LAMC1: variants seen among roughly 807,000 people sequenced by gnomAD.
LAMC1 encodes laminin subunit gamma 1.
LAMC1 carries 38 observed loss-of-function variants against 173.6 expected under a neutral mutation model. That is an observed-to-expected ratio of 0.22 (90% CI 0.17 to 0.29). The LOEUF (loss-of-function observed/expected upper bound fraction) is 0.29, where lower values mean the gene tolerates loss of function less well. Among genes scored for constraint, LAMC1 ranks in the 10% least tolerant of loss-of-function variants. The pLI, the probability that LAMC1 is intolerant of heterozygous loss-of-function variation, is 1.00. For missense variants in LAMC1, 1,824 were observed against 2,051.8 expected (o/e 0.89, Z 2.14); for synonymous variants, 746 against 749.1 (o/e 1.00, Z 0.07).
At chr1:183,066,903 T>C (rs1267899145) in intron 1 of LAMC1, among the ~76,000 whole-genome samples, 1 of 152,114 alleles carries the variant, frequency 6.6e-6, no homozygotes, top group Non-Finnish European at 1.5e-5. Flanking sequence ...CATGCACATG[T>C]TGTGTACCTA....
chr1:183,128,617 C>G lies in LAMC1; in HGVS notation c.3147C>G (p.Leu1049=), dbSNP rs149036866. The change falls in exon 18 of 28, where the codon CTC becomes CTG. Residue 1049 remains leucine (L), a synonymous_variant. Coordinates refer to ENST00000258341, the MANE Select transcript of LAMC1 (RefSeq NM_002293.4). ...AGGTTGCTGATCATAGAGTGAAGCT[C>G]CAGGAATTAGAGAGTCTCATAGCAA... ...KDKVADHRVK[L]QELESLIANL... 2 of 1,610,296 alleles carry G rather than the reference C, an allele frequency of 1.2e-6. No homozygotes were observed. Among genetic ancestry groups the G allele is most frequent in the East Asian group, 2.2e-5 (1 of 44,868 alleles).
chr1:183,094,847 T>C (rs1437667577), intron 1 of LAMC1, among the ~76,000 whole-genome samples: 1 of 152,012 alleles, frequency 6.6e-6, no homozygotes, highest in Non-Finnish European at 1.5e-5. Flanking sequence ...TGGAGGGGTT[T>C]TTTTGTTTTT....
chr1:183,107,768 TG>T (rs1265355582), intron 2 of LAMC1, among the ~76,000 whole-genome samples: 1 of 151,836 alleles, frequency 6.6e-6, no homozygotes, highest in African/African-American at 2.4e-5. Context: ...AGGTGGAGCT[TG>T]CAGTGAGCTG....
intron 1 of LAMC1, among the ~76,000 whole-genome samples, chr1:183,030,286 G>T (rs1291935633): frequency 6.6e-6 from 1 of 152,168 alleles, no homozygotes; most frequent in Admixed American, 6.5e-5. Context: ...CAGGTTTGTT[G>T]ACCTCTGTTC....
chr1:183,034,784 C>A (rs902759369), intron 1 of LAMC1, among the ~76,000 whole-genome samples: 1 of 152,154 alleles, frequency 6.6e-6, no homozygotes, highest in Admixed American at 6.5e-5. Flanking sequence ...GCAATGAGGA[C>A]GTGCCAGATG....
intron 2 of LAMC1, among the ~76,000 whole-genome samples, chr1:183,107,994 TA>T (rs1419090003): frequency 6.6e-6 from 1 of 152,178 alleles, no homozygotes; most frequent in African/African-American, 2.4e-5. Flanking sequence ...TGCTGCACAT[TA>T]TATTTTATTT....
intron 2 of LAMC1, among the ~76,000 whole-genome samples, chr1:183,104,469 T>G (rs1286135235): frequency 6.6e-6 from 1 of 152,228 alleles, no homozygotes; most frequent in Non-Finnish European, 1.5e-5. Flanking sequence ...TGCTGCTGCA[T>G]GTGGCTGAAG....
chr1:183,134,629 A>C, intron 22 of LAMC1, 31 bp from the exon 23 acceptor site: 1 of 1,580,464 alleles, frequency 6.3e-7, no homozygotes, highest in Non-Finnish European at 8.6e-7. Context: ...TGTTTTATCC[A>C]AAGTGTAGTG....
chr1:183,086,077 A>C (rs1432681614), intron 1 of LAMC1, among the ~76,000 whole-genome samples: 1 of 152,192 alleles, frequency 6.6e-6, no homozygotes, highest in Non-Finnish European at 1.5e-5. Flanking sequence ...TAAATAAATA[A>C]ATATATGTAT....
chr1:183,123,828 T>A (rs1374863373), intron 13 of LAMC1, among the ~76,000 whole-genome samples: 1 of 152,220 alleles, frequency 6.6e-6, no homozygotes, highest in Non-Finnish European at 1.5e-5. Flanking sequence ...TGGTATATAG[T>A]AGATGCTCAG....
Position 183,023,671 on chromosome 1 carries a change from C to T in LAMC1, c.-46C>T, listed in dbSNP as rs772953530. 6.9e-6 allele frequency: 8 copies of T among 1,152,342 alleles called. No individual in the cohort carries two copies. The highest frequency in any genetic ancestry group is 8.6e-6 in the Non-Finnish European group (8 of 935,360). 71.4% of individuals were successfully genotyped at this position (1,152,342 alleles called of 1,614,324 possible). On this transcript the variant is annotated 5_prime_UTR_variant, in exon 1 of 28. Coordinates refer to ENST00000258341, the MANE Select transcript of LAMC1 (RefSeq NM_002293.4). ...GGGACGCCGCTAGGCGAGAGGAACGCGCCGGTGCCCTTGCCTTCGCCGTGA... is the reference window on the plus strand; with the variant it reads ...GGGACGCCGCTAGGCGAGAGGAACGTGCCGGTGCCCTTGCCTTCGCCGTGA...
intron 1 of LAMC1, among the ~76,000 whole-genome samples, chr1:183,091,510 C>T (rs763167213): frequency 3.3e-5 from 5 of 152,018 alleles, no homozygotes; most frequent in Non-Finnish European, 4.4e-5. Context: ...TTCCTCCTTC[C>T]CCTCCCTCTC....
chr1:183,121,683 C>T, intron 11 of LAMC1, 40 bp from the exon 12 acceptor site: 1 of 1,544,462 alleles, frequency 6.5e-7, no homozygotes, highest in Non-Finnish European at 8.8e-7. Context: ...GTTTGGAAAA[C>T]AAGCCAGTTC....
chr1:183,027,679 A>G (rs1466337948), intron 1 of LAMC1, among the ~76,000 whole-genome samples: 1 of 152,266 alleles, frequency 6.6e-6, no homozygotes, highest in Non-Finnish European at 1.5e-5. Context: ...AATAGTGATT[A>G]AATGAAGCTT....
chr1:183,123,400 C>T (rs1036293205), intron 13 of LAMC1, among the ~76,000 whole-genome samples: 3 of 152,204 alleles, frequency 2.0e-5, no homozygotes, highest in African/African-American at 4.8e-5. Context: ...TCAAAATGTA[C>T]CTCAGATTAC....
At chr1:183,080,476 T>C (rs1214258376) in intron 1 of LAMC1, among the ~76,000 whole-genome samples, 4 of 152,148 alleles carry the variant, frequency 2.6e-5, no homozygotes, top group Non-Finnish European at 4.4e-5. Flanking sequence ...TGGGTATAAC[T>C]GGAGTCTTCA....
chr1:183,088,701 G>A (rs997398921), intron 1 of LAMC1, among the ~76,000 whole-genome samples: 1 of 152,214 alleles, frequency 6.6e-6, no homozygotes, highest in African/African-American at 2.4e-5. Flanking sequence ...AGTGCTATGT[G>A]TTCGGAAAAG....
At chr1:183,121,687 C>A (rs759761712) in intron 11 of LAMC1, 36 bp from the exon 12 acceptor site, 7 of 1,557,444 alleles carry the variant, frequency 4.5e-6, no homozygotes, top group African/African-American at 1.4e-5. Flanking sequence ...GGAAAACAAG[C>A]CAGTTCAGTG....
chr1:183,054,548 T>C (rs1654533217), intron 1 of LAMC1, among the ~76,000 whole-genome samples: 1 of 152,226 alleles, frequency 6.6e-6, no homozygotes, highest in Non-Finnish European at 1.5e-5. Context: ...TATTCTGTTA[T>C]ATTGAGAAGA....
Sources: allele counts gnomAD v4.1 joint callset (sites outside exome capture counted in the v4.1 genomes callset), GRCh38; gene constraint gnomAD v4.1.1; transcripts MANE v1.5; gene names NCBI Gene and HGNC (gene_info 2026-07-23, HGNC 2026-07-21).